Variants in KNDC1 observed in about 807,000 individuals in gnomAD.
KNDC1 encodes the protein kinase non-catalytic C-lobe domain-containing protein 1.
A neutral mutation model predicts 172.8 loss-of-function variants in KNDC1; 106 were observed. That is an observed-to-expected ratio of 0.61 (90% CI 0.52 to 0.72). The LOEUF (loss-of-function observed/expected upper bound fraction) is 0.72, where lower values mean the gene tolerates loss of function less well. KNDC1 is among the 30% of genes least tolerant of loss of function. The probability of loss-of-function intolerance (pLI) is 0.00; values close to 1 mark genes in which losing one functional copy is unlikely to be tolerated. For missense variants in KNDC1, 2,325 were observed against 2,394.5 expected (o/e 0.97, Z 0.61); for synonymous variants, 1,083 against 1,062.2 (o/e 1.02, Z -0.38).
Position 133,211,745 on chromosome 10 carries a change from G to T in KNDC1, c.4123G>T (p.Ala1375Ser), listed in dbSNP as rs772329068. 5 of 1,609,988 alleles carry T rather than the reference G, an allele frequency of 3.1e-6. No homozygotes were observed. The Admixed American group carries it at 8.4e-5, about 27-fold the overall frequency. ...GLLEVGMDRRAEGNPRGTDLE... is the reference protein window; with the variant it reads ...GLLEVGMDRRSEGNPRGTDLE... ...CCTGGAGGTGGGCATGGACCGGCGG[G>T]CCGAGGGCAACCCTCGCGGCACAGA... is the stretch of plus-strand genomic sequence containing the variant. The change falls in exon 23 of 30, where the codon GCC becomes TCC. Residue 1375 changes from alanine to serine, a missense_variant. Transcript: ENST00000304613.
rs184783286 is a variant in KNDC1, at chr10:133,204,518, C to T, written c.3388-2167C>T. 2.9e-3 allele frequency among the ~76,000 whole-genome samples: 443 copies of T among 152,244 alleles called. 3 individuals are homozygous for T. Among genetic ancestry groups the T allele is most frequent in the African/African-American group, 9.6e-3 (398 of 41,532 alleles). On this transcript the variant is annotated intron_variant, in intron 17 of 29. Transcript: ENST00000304613. The stretch of plus-strand genomic sequence containing the variant: ...TTACGCAGCTGGGACACTGCCCACA[C>T]TGCCGTAGCGGGGAGCCTGGCCCTC...
At chr10:133,189,259 C>G (rs974023722) in intron 7 of KNDC1, among the ~76,000 whole-genome samples, 2 of 152,196 alleles carry the variant, frequency 1.3e-5, no homozygotes, top group African/African-American at 4.8e-5. Context: ...GAGCCCGTGG[C>G]TGCCCCGTGG....
intron 17 of KNDC1, among the ~76,000 whole-genome samples, chr10:133,203,044 C>G (rs898527018): frequency 4.0e-5 from 6 of 151,510 alleles, no homozygotes; most frequent in South Asian, 4.2e-4. Flanking sequence ...TGGCGTCCAG[C>G]GGGGAGCACT....
intron 3 of KNDC1, among the ~76,000 whole-genome samples, chr10:133,181,060 T>G (rs1252950605): frequency 2.0e-5 from 3 of 152,120 alleles, no homozygotes; most frequent in African/African-American, 7.2e-5. Flanking sequence ...ACACCTGACA[T>G]GGCTGCACAG....
At chr10:133,211,321 T>A in intron 21 of KNDC1, 101 bp from the exon 22 acceptor site, 3 of 1,039,024 alleles carry the variant, frequency 2.9e-6, no homozygotes, top group Non-Finnish European at 4.0e-6. Flanking sequence ...ACATGGAGCC[T>A]GGTCCCACCC....
At chr10:133,196,893 G>A (rs999905142) in intron 10 of KNDC1, among the ~76,000 whole-genome samples, 165 bp from the exon 11 acceptor site, 3 of 152,162 alleles carry the variant, frequency 2.0e-5, no homozygotes, top group Non-Finnish European at 4.4e-5. Flanking sequence ...TTCAGGAAAT[G>A]CTCTAAGAAA....
chr10:133,168,164 C>A, intron 2 of KNDC1, 90 bp from the exon 3 acceptor site: 1 of 1,164,946 alleles, frequency 8.6e-7, no homozygotes, highest in Non-Finnish European at 1.3e-6. Context: ...GAACCTGGGG[C>A]CGCTCCCTCT....
intron 2 of KNDC1, 30 bp downstream of exon 2, chr10:133,167,609 G>T: frequency 6.5e-7 from 1 of 1,549,154 alleles, no homozygotes; most frequent in East Asian, 2.4e-5. Context: ...GGCGGCGGCG[G>T]CGGGCACGCG....
intron 5 of KNDC1, among the ~76,000 whole-genome samples, chr10:133,184,853 C>T (rs142895217): frequency 3.1e-4 from 47 of 152,380 alleles, no homozygotes; most frequent in African/African-American, 9.6e-4. Context: ...TTTCAATAAA[C>T]GGATGGGTTG....
chr10:133,202,546 A>G (rs912435305), intron 17 of KNDC1: 1 of 450,362 alleles, frequency 2.2e-6, no homozygotes, highest in African/African-American at 2.0e-5. Context: ...GGTGGATGAC[A>G]GGAGGGGCCC....
chr10:133,211,603 G>C (rs752341792), intron 22 of KNDC1, 34 bp downstream of exon 22: 3 of 1,603,886 alleles, frequency 1.9e-6, no homozygotes, highest in Admixed American at 1.7e-5. Context: ...GGCCGCACCC[G>C]GGGCTCCCAC....
At chr10:133,210,920 G>A (rs1589770855) in intron 21 of KNDC1, among the ~76,000 whole-genome samples, 196 bp downstream of exon 21, 1 of 152,214 alleles carries the variant, frequency 6.6e-6, no homozygotes. Flanking sequence ...AGCTGGGGCA[G>A]GAGGGCGGTG....
At chr10:133,173,209 A>G (rs1334543788) in intron 3 of KNDC1, among the ~76,000 whole-genome samples, 2 of 151,908 alleles carry the variant, frequency 1.3e-5, no homozygotes, top group Admixed American at 1.3e-4. Flanking sequence ...TAGTTCGTTC[A>G]TTTTTCCAAA....
intron 9 of KNDC1, among the ~76,000 whole-genome samples, chr10:133,190,656 A>G (rs1031555749): frequency 2.6e-5 from 4 of 152,154 alleles, no homozygotes; most frequent in Admixed American, 6.5e-5. Flanking sequence ...GTCTAGAGAA[A>G]CTCGGAATGG....
At chr10:133,167,035 G>T (rs1292986363) in intron 1 of KNDC1, 1 of 365,370 alleles carries the variant, frequency 2.7e-6, no homozygotes, top group Admixed American at 4.0e-5. Flanking sequence ...GCCTCCACAG[G>T]CCAGTCCAGC....
chr10:133,213,016 G>C, intron 24 of KNDC1, 94 bp downstream of exon 24: 1 of 1,132,466 alleles, frequency 8.8e-7, no homozygotes, highest in Non-Finnish European at 1.2e-6. Flanking sequence ...TGCTTCCAGA[G>C]GAACAGACGG....
At chr10:133,196,304 A>G (rs1030352338) in intron 10 of KNDC1, among the ~76,000 whole-genome samples, 5 of 150,600 alleles carry the variant, frequency 3.3e-5, no homozygotes, top group Non-Finnish European at 7.4e-5. Flanking sequence ...GCTGGGTTCT[A>G]ACGTACTCCT....
rs1288334489 is a variant in KNDC1, at chr10:133,186,420, C to T, written c.1072C>T (p.Gln358Ter). Residue 358 changes from glutamine (Q) to a stop codon, truncating the protein, a stop_gained, in exon 6 of 30, where the codon CAG becomes TAG. Coordinates refer to ENST00000304613, the MANE Select transcript of KNDC1 (RefSeq NM_152643.8). LOFTEE classifies it high-confidence loss of function. ...AAATGGCCTTTCTAGCTTCCAGGCTCAGCCCAAATGCAGGCTGTGGCCGGA... is the reference window on the plus strand; with the variant it reads ...AAATGGCCTTTCTAGCTTCCAGGCTTAGCCCAAATGCAGGCTGTGGCCGGA... ...RKNGLSSFQAQPKCRLWPEQE... is the reference protein window; with the variant it reads ...RKNGLSSFQA 3.1e-6 allele frequency: 5 copies of T among 1,612,614 alleles called. No individual in the cohort carries two copies. The highest frequency in any genetic ancestry group is 4.2e-6 in the Non-Finnish European group (5 of 1,179,922).
rs1845266100 is a variant in KNDC1, at chr10:133,208,402, CCCAACCCCG to C, written c.3794+1052_3794+1060del. 1.1e-4 allele frequency among the ~76,000 whole-genome samples: 2 copies of C among 18,766 alleles called. 1 individual carries two copies. Among genetic ancestry groups the C allele is most frequent in the South Asian group, 6.0e-3 (2 of 336 alleles). 12.3% of individuals were successfully genotyped at this position (18,766 alleles called of 152,430 possible). ...GACCCTCTAGAGAGGGACGTGGCCC[CCCAACCCCG>C]TTACCCCAAGGACCCTCTAGAGAGG... is the stretch of plus-strand genomic sequence containing the variant. On this transcript the variant is annotated intron_variant, in intron 20 of 29. Transcript: ENST00000304613.
Sources: allele counts gnomAD v4.1 joint callset (sites outside exome capture counted in the v4.1 genomes callset), GRCh38; gene constraint gnomAD v4.1.1; transcripts MANE v1.5; gene names NCBI Gene and HGNC (gene_info 2026-07-23, HGNC 2026-07-21).